Variants in DHX38 observed in about 807,000 individuals in gnomAD.
DHX38 encodes the protein DEAH-box helicase 38, also known as pre-mRNA-splicing factor ATP-dependent RNA helicase PRP16.
DHX38 carries 100 observed loss-of-function variants against 153.1 expected under a neutral mutation model. That is an observed-to-expected ratio of 0.65 (90% CI 0.56 to 0.77). The LOEUF is 0.77. Among genes scored for constraint, DHX38 ranks in the 30% least tolerant of loss-of-function variants. The pLI is 0.00. For missense variants in DHX38, 1,440 were observed against 1,654.0 expected (o/e 0.87, Z 2.24); for synonymous variants, 650 against 631.7 (o/e 1.03, Z -0.43).
chr16:72,098,318 A>C (rs569139230), intron 4 of DHX38, among the ~76,000 whole-genome samples: 1 of 152,236 alleles, frequency 6.6e-6, no homozygotes, highest in African/African-American at 2.4e-5. Context: ...CTATAATCCC[A>C]GCTATTCGGT....
At chr16:72,099,612 C>A in intron 7 of DHX38, 120 bp from the exon 8 acceptor site, 1 of 1,394,050 alleles carries the variant, frequency 7.2e-7, no homozygotes, top group Non-Finnish European at 9.8e-7. Flanking sequence ...CTGCACCCCT[C>A]ACAAGGGTAG....
rs199517934 is a variant in DHX38, at chr16:72,108,776, C to G, written c.3256-24C>G. On this transcript the variant is annotated intron_variant, in intron 23 of 26. Coordinates refer to ENST00000268482, the MANE Select transcript of DHX38 (RefSeq NM_014003.4). The stretch of plus-strand genomic sequence containing the variant: ...AATGGGTGTTGTTTTCCTGATGTGG[C>G]TGCCTGTTGTGTCTCCTCCCTAGGG... 3 of 1,607,454 alleles carry G rather than the reference C, an allele frequency of 1.9e-6. No homozygotes were observed. The East Asian group carries it at 6.7e-5, about 36-fold the overall frequency.
chr16:72,109,012 T>C (rs142515169), intron 24 of DHX38, 87 bp downstream of exon 24: 189 of 1,505,724 alleles, frequency 1.3e-4, no homozygotes, highest in Non-Finnish European at 1.6e-4. Context: ...GCATGAGCTT[T>C]TAGCCTGGGA....
chr16:72,103,350 C>T (rs1209189120), intron 12 of DHX38, 139 bp downstream of exon 12: 5 of 1,198,372 alleles, frequency 4.2e-6, no homozygotes, highest in South Asian at 1.6e-5. Flanking sequence ...GACCTCATGC[C>T]TGGGGTACAC....
At chr16:72,101,662 C>T in intron 11 of DHX38, 50 bp downstream of exon 11, 2 of 1,479,344 alleles carry the variant, frequency 1.4e-6, no homozygotes, top group Non-Finnish European at 1.8e-6. Context: ...AAGATGGGGG[C>T]CCATGTGGGC....
At chr16:72,100,021 G>A (rs1284656219) in intron 8 of DHX38, 134 bp downstream of exon 8, 1 of 1,240,372 alleles carries the variant, frequency 8.1e-7, no homozygotes, top group Non-Finnish European at 1.1e-6. Context: ...CTCTGGAGGT[G>A]GAAGAGGAGT....
Position 72,107,555 on chromosome 16 carries a change from C to T in DHX38, c.2809+7C>T, listed in dbSNP as rs778455359. On this transcript the variant is annotated splice_region_variant and intron_variant, in intron 20 of 26. Transcript: ENST00000268482. The surrounding 1 kb of genome is among the most constrained non-coding windows in gnomAD (Gnocchi z 5.3). ...GGGGCCCTGGACAACACAGGTGAGG[C>T]GGCCCCGGGAGCCTCATGGGTGCTG... 6.8e-6 allele frequency: 11 copies of T among 1,610,636 alleles called. No individual in the cohort carries two copies. Among genetic ancestry groups the T allele is most frequent in the Middle Eastern group, 3.3e-4 (2 of 6,072 alleles).
chr16:72,106,001 C>G lies in DHX38; in HGVS notation c.2488-4C>G. The stretch of plus-strand genomic sequence containing the variant: ...TTCGTCAGCTCTTTGCCGTCCCCTC[C>G]TAGGTCTTCAACCCCAGGATTGGCA... On this transcript the variant is annotated splice_polypyrimidine_tract_variant and splice_region_variant and intron_variant, in intron 18 of 26. Transcript: ENST00000268482. 1 of 1,613,912 alleles carries G rather than the reference C, an allele frequency of 6.2e-7. No individual in the cohort carries two copies. The highest frequency in any genetic ancestry group is 1.3e-5 in the African/African-American group (1 of 75,066).
chr16:72,103,522 G>A, intron 12 of DHX38, 80 bp from the exon 13 acceptor site: 1 of 1,471,262 alleles, frequency 6.8e-7, no homozygotes, highest in South Asian at 1.3e-5. Context: ...ATGGGGATAG[G>A]AGGTAGCGGA....
In DHX38 at chr16:72,096,257, A is replaced by G. The variant is rs2144128974; in HGVS notation, c.100A>G (p.Ser34Gly). 1 of 1,614,228 alleles carries G rather than the reference A, an allele frequency of 6.2e-7. No individual in the cohort carries two copies. The highest frequency in any genetic ancestry group is 8.5e-7 in the Non-Finnish European group (1 of 1,180,040). Residue 34 changes from serine to glycine, a missense_variant, in exon 2 of 27, where the codon AGC becomes GGC. Physicochemically the swap from Ser to Gly is moderately conservative, Grantham distance 56. Coordinates refer to ENST00000268482, the MANE Select transcript of DHX38 (RefSeq NM_014003.4). The part of the protein sequence containing the change: ...GLICKSKSAA[S>G]EQHVFKAPAP... ...TATTTGCAAGTCCAAAAGTGCGGCC[A>G]GCGAGCAGCATGTCTTCAAGGCTCC...
At position 72,108,353 on chromosome 16, in the gene DHX38, C is replaced by T; in HGVS notation, c.3091C>T (p.His1031Tyr). The T allele has an allele frequency of 1.9e-6, 3 of 1,614,146 alleles. No individual in the cohort carries two copies. The highest frequency in any genetic ancestry group is 2.5e-6 in the Non-Finnish European group (3 of 1,180,044). The part of the protein sequence containing the change: ...NNYSTIWCND[H>Y]FIHAKAMRKV... ...TTACTCCACCATCTGGTGTAACGAT[C>T]ATTTCATCCATGCTAAGGCCATGCG... The change falls in exon 22 of 27, where the codon CAT becomes TAT. Residue 1031 changes from histidine to tyrosine, a missense_variant. Physicochemically the swap from His to Tyr is moderately conservative, Grantham distance 83 (BLOSUM62 2). Transcript: ENST00000268482.
chr16:72,100,828 G>A (rs1004230896), intron 9 of DHX38, among the ~76,000 whole-genome samples: 3 of 152,236 alleles, frequency 2.0e-5, no homozygotes, highest in Admixed American at 2.0e-4. Flanking sequence ...TCGGGAGGCT[G>A]AGGCAGGAGA....
At position 72,108,476 on chromosome 16, in the gene DHX38, C is replaced by T. The variant is rs1353239879; in HGVS notation, c.3124C>T (p.Arg1042Trp). 1.9e-6 allele frequency: 3 copies of T among 1,614,078 alleles called. No homozygotes were observed. The highest frequency in any genetic ancestry group is 2.5e-6 in the Non-Finnish European group (3 of 1,179,982). The stretch of plus-strand genomic sequence containing the variant: ...GTGCCTCCGTCTCCTGCCCTAGGTC[C>T]GGGAGGTGCGAGCTCAACTCAAGGA... ...FIHAKAMRKVREVRAQLKDIM... is the reference protein window; with the variant it reads ...FIHAKAMRKVWEVRAQLKDIM... The change falls in exon 23 of 27, where the codon CGG becomes TGG. Residue 1042 changes from arginine to tryptophan, a missense_variant. Around this residue, in one of 6 missense-constraint regions of DHX38, gnomAD observed 543 missense variants for 717.9 expected, o/e 0.76. Transcript: ENST00000268482.
At chr16:72,095,753 A>G (rs983313093) in intron 1 of DHX38, among the ~76,000 whole-genome samples, 2 of 152,128 alleles carry the variant, frequency 1.3e-5, no homozygotes, top group Admixed American at 1.3e-4. Context: ...CTGGTTTCTA[A>G]TTGAGGTTTC....
intron 11 of DHX38, among the ~76,000 whole-genome samples, chr16:72,102,442 C>G (rs749157871): frequency 1.6e-4 from 24 of 151,838 alleles, no homozygotes; most frequent in Admixed American, 7.2e-4. Flanking sequence ...GAGCACTGAA[C>G]TGGTGTCTTT....
chr16:72,112,392 T>TC, intron 26 of DHX38, 21 bp from the exon 27 acceptor site: 1 of 1,605,188 alleles, frequency 6.2e-7, no homozygotes, highest in Admixed American at 1.7e-5. Context: ...TGTTTCCTGA[T>TC]CTCTCCTGCT....
At position 72,112,736 on chromosome 16, in the gene DHX38, C is replaced by T. The variant is rs536082272; in HGVS notation, c.*239C>T. The stretch of plus-strand genomic sequence containing the variant: ...AGTATCCGAGGTGCTGCCGGGGCAG[C>T]GGGAGGTGGCTGGACCCATCGCATC... On this transcript the variant is annotated 3_prime_UTR_variant, in exon 27 of 27. Coordinates refer to ENST00000268482, the MANE Select transcript of DHX38 (RefSeq NM_014003.4). 36 of 704,598 alleles carry T rather than the reference C, an allele frequency of 5.1e-5. No homozygotes were observed. Among genetic ancestry groups the T allele is most frequent in the South Asian group, 4.7e-4 (32 of 67,638 alleles). 43.6% of individuals were successfully genotyped at this position (704,598 alleles called of 1,614,324 possible).
chr16:72,095,399 A>G (rs1202054779), intron 1 of DHX38, among the ~76,000 whole-genome samples: 1 of 152,234 alleles, frequency 6.6e-6, no homozygotes, highest in African/African-American at 2.4e-5. Flanking sequence ...AAGCCACTAA[A>G]GTATGGAGAA....
chr16:72,098,724 G>T lies in DHX38; in HGVS notation c.696G>T (p.Ser232=), dbSNP rs556379177. 2 of 1,613,962 alleles carry T rather than the reference G, an allele frequency of 1.2e-6. No individual in the cohort carries two copies. Among genetic ancestry groups the T allele is most frequent in the Non-Finnish European group, 1.7e-6 (2 of 1,179,986 alleles). Residue 232 remains serine, a synonymous_variant, in exon 5 of 27, where the codon TCG becomes TCT. Transcript: ENST00000268482. ...CCTCAAGGCGCTCACAGTGGGAATC[G>T]CCCTCCCCGACGCCTTCCTATCGGG... ...YGSSRRSQWE[S]PSPTPSYRDS... is the part of the protein sequence containing the mutation.
Sources: gnomAD v4.1 joint callset for allele counts (sites outside exome capture counted in the v4.1 genomes callset) on GRCh38, gnomAD v4.1.1 for gene constraint, gnomAD v4.1.1 regional missense constraint, Gnocchi (gnomAD v3.1) non-coding constraint, MANE v1.5 for transcripts, NCBI Gene and HGNC (gene_info 2026-07-23, HGNC 2026-07-21) for gene names.